The following CNTNAP5 variants were observed in gnomAD, a reference collection of about 807,000 sequenced individuals.
CNTNAP5 encodes contactin-associated protein-like 5.
In CNTNAP5, 72 loss-of-function variants were observed where a neutral mutation model predicts 150.2. The observed-to-expected ratio is 0.48, with a 90% CI of 0.40 to 0.58. CNTNAP5 has a LOEUF of 0.58. Among genes scored for constraint, CNTNAP5 ranks in the 20% least tolerant of loss-of-function variants. The probability of loss-of-function intolerance (pLI) is 0.00; values close to 1 mark genes in which losing one functional copy is unlikely to be tolerated. For synonymous variants in CNTNAP5, 672 were observed against 619.8 expected (o/e 1.08, Z -1.25); for missense variants, 1,636 against 1,626.2 (o/e 1.01, Z -0.10).
intron 1 of CNTNAP5, among the ~76,000 whole-genome samples, chr2:124,182,433 A>C (rs1343945211): frequency 1.3e-5 from 2 of 150,782 alleles, no homozygotes; most frequent in Non-Finnish European, 2.9e-5. Flanking sequence ...CAAAACTGAG[A>C]CTCAGGAAGC....
At chr2:124,225,571 C>A (rs1686436985) in intron 2 of CNTNAP5, among the ~76,000 whole-genome samples, 1 of 152,138 alleles carries the variant, frequency 6.6e-6, no homozygotes, top group African/African-American at 2.4e-5. Context: ...GAAATAATTA[C>A]CACAATCAAA....
chr2:124,577,014 T>G (rs996851967), intron 11 of CNTNAP5, among the ~76,000 whole-genome samples: 4 of 152,364 alleles, frequency 2.6e-5, no homozygotes, highest in African/African-American at 9.6e-5. Flanking sequence ...CTTCTTCAAA[T>G]CGATGCTCTA....
chr2:124,358,667 G>A (rs1690098335), intron 3 of CNTNAP5, among the ~76,000 whole-genome samples: 2 of 152,174 alleles, frequency 1.3e-5, no homozygotes. Context: ...CTTGATCATG[G>A]TGGATAAGCT....
Position 124,034,281 on chromosome 2 carries a change from A to G in CNTNAP5, c.82+8549A>G, listed in dbSNP as rs147693537. 7.6e-3 allele frequency among the ~76,000 whole-genome samples: 1,163 copies of G among 152,334 alleles called. 11 individuals are homozygous for G. Among genetic ancestry groups the G allele is most frequent in the African/African-American group, 0.026 (1,083 of 41,574 alleles). On this transcript the variant is annotated intron_variant, in intron 1 of 23. Coordinates refer to ENST00000682447, the MANE Select transcript of CNTNAP5 (RefSeq NM_001367498.1). ...TGGACATCCAATCATTATACCTGTT[A>G]TAATTATTAATGAAACTCAGCATGG... is the stretch of plus-strand genomic sequence containing the variant.
chr2:124,784,312 G>A lies in CNTNAP5; in HGVS notation c.2753-5590G>A, dbSNP rs74919918. Among the ~76,000 whole-genome samples the A allele has an allele frequency of 6.6e-4, 101 of 152,324 alleles. 2 individuals carry two copies. The East Asian group carries it at 0.016, about 24-fold the overall frequency. On this transcript the variant is annotated intron_variant, in intron 17 of 23. Coordinates refer to ENST00000682447, the MANE Select transcript of CNTNAP5 (RefSeq NM_001367498.1). ...TGTGCAGGAAAGAGCAGATACACATGAGAGAAATAGAGGCTCCGCGTTTGT... is the reference window on the plus strand; with the variant it reads ...TGTGCAGGAAAGAGCAGATACACATAAGAGAAATAGAGGCTCCGCGTTTGT...
rs528777550 is a variant in CNTNAP5 at position 124,919,996 on chromosome 2, T to C, written c.*5708T>C. The stretch of plus-strand genomic sequence containing the variant: ...CTGACATGAATAAGCATAACATAAC[T>C]GTAAGAAGGAGTGTAGTGTCCCAGC... On this transcript the variant is annotated 3_prime_UTR_variant, in exon 24 of 24. Coordinates refer to ENST00000682447, the MANE Select transcript of CNTNAP5 (RefSeq NM_001367498.1). Among the ~76,000 whole-genome samples, 46 of 152,158 alleles carry C rather than the reference T, an allele frequency of 3.0e-4. No individual in the cohort carries two copies. The highest frequency in any genetic ancestry group is 1.1e-3 in the African/African-American group (45 of 41,534).
rs1678798954 is a variant in CNTNAP5, at chr2:124,917,732, G to A, written c.*3444G>A. Among the ~76,000 whole-genome samples, 1 of 152,012 alleles carries A rather than the reference G, an allele frequency of 6.6e-6. No homozygotes were observed. The highest frequency in any genetic ancestry group is 1.5e-5 in the Non-Finnish European group (1 of 67,974). ...TTTATGGAATGCCAATGAGTGCCGG[G>A]CTAGGCATTGGGTGAACATATATAA... On this transcript the variant is annotated 3_prime_UTR_variant, in exon 24 of 24. Coordinates refer to ENST00000682447, the MANE Select transcript of CNTNAP5 (RefSeq NM_001367498.1).
At chr2:124,597,271 C>A (rs1011831981) in intron 11 of CNTNAP5, among the ~76,000 whole-genome samples, 32 of 150,184 alleles carry the variant, frequency 2.1e-4, no homozygotes, top group African/African-American at 7.8e-4. Flanking sequence ...GATTTTGCAG[C>A]GGCTGGTACC....
intron 8 of CNTNAP5, among the ~76,000 whole-genome samples, chr2:124,513,186 G>T (rs777024631): frequency 6.6e-6 from 1 of 152,154 alleles, no homozygotes; most frequent in African/African-American, 2.4e-5. Context: ...TGGCAGGATT[G>T]ATTTCTTCTG....
At chr2:124,510,285 C>CTATATATCTATA (rs1558933244) in intron 8 of CNTNAP5, among the ~76,000 whole-genome samples, 3 of 73,300 alleles carry the variant, frequency 4.1e-5, no homozygotes, top group African/African-American at 6.6e-5. Context: ...ATATCTATAT[C>CTATATATCTATA]TATATATCTA....
At chr2:124,493,227 G>A (rs2104852074) in intron 7 of CNTNAP5, among the ~76,000 whole-genome samples, 1 of 152,116 alleles carries the variant, frequency 6.6e-6, no homozygotes, top group Admixed American at 6.5e-5. Flanking sequence ...CTATCAAGAT[G>A]ATCGTAAGAT....
chr2:124,268,430 A>T (rs1014181807), intron 3 of CNTNAP5, among the ~76,000 whole-genome samples: 4 of 152,194 alleles, frequency 2.6e-5, no homozygotes, highest in Non-Finnish European at 4.4e-5. Context: ...GTGTTCATAG[A>T]CATTAAGAAA....
intron 11 of CNTNAP5, among the ~76,000 whole-genome samples, chr2:124,571,527 CTTTTTTTTT>C (rs1214169811): frequency 2.1e-5 from 1 of 46,850 alleles, no homozygotes; most frequent in Non-Finnish European, 3.6e-5. Flanking sequence ...TTTCTTTTTT[CTTTTTTTTT>C]TTTTTTTTTT....
chr2:124,109,889 T>C (rs1369777205), intron 1 of CNTNAP5, among the ~76,000 whole-genome samples: 4 of 152,224 alleles, frequency 2.6e-5, no homozygotes, highest in Non-Finnish European at 5.9e-5. Flanking sequence ...TATCTTACAT[T>C]GAGCTCCTCA....
chr2:124,057,282 ATT>A (rs560714964), intron 1 of CNTNAP5, among the ~76,000 whole-genome samples: 42,520 of 125,352 alleles, frequency 0.34, 6,823 homozygotes, highest in Admixed American at 0.42. Flanking sequence ...TAACAAGTCC[ATT>A]TTTTTTTTTT....
intron 12 of CNTNAP5, among the ~76,000 whole-genome samples, chr2:124,645,717 A>G (rs1678189235): frequency 6.6e-6 from 1 of 152,210 alleles, no homozygotes; most frequent in African/African-American, 2.4e-5. Context: ...TTGCATTGCT[A>G]AATGGGAATA....
chr2:124,666,241 G>T (rs1464761960), intron 13 of CNTNAP5, among the ~76,000 whole-genome samples: 2 of 152,132 alleles, frequency 1.3e-5, no homozygotes, highest in African/African-American at 2.4e-5. Flanking sequence ...TGAGTCAGGG[G>T]CTTAGAGGTT....
chr2:124,724,245 TTTTTGTTG>T (rs1023359252), intron 13 of CNTNAP5, among the ~76,000 whole-genome samples: 7 of 152,052 alleles, frequency 4.6e-5, no homozygotes, highest in Non-Finnish European at 7.4e-5. Context: ...TTCAACATTT[TTTTTGTTG>T]TTTTGTTGTT....
intron 3 of CNTNAP5, among the ~76,000 whole-genome samples, chr2:124,248,677 T>TC (rs34326484): frequency 6.6e-6 from 1 of 152,164 alleles, no homozygotes; most frequent in Non-Finnish European, 1.5e-5. Context: ...TCAGAGAATT[T>TC]CCCAACATGG....
Sources: gnomAD v4.1 joint callset for allele counts (sites outside exome capture counted in the v4.1 genomes callset) on GRCh38, gnomAD v4.1.1 for gene constraint, MANE v1.5 for transcripts, NCBI Gene and HGNC (gene_info 2026-07-23, HGNC 2026-07-21) for gene names.